TRHDE: variants seen among roughly 807,000 people sequenced by gnomAD.
TRHDE encodes the protein thyrotropin-releasing hormone-degrading ectoenzyme.
A neutral mutation model predicts 125.7 loss-of-function variants in TRHDE; 72 were observed. The ratio of observed to expected loss-of-function variants is 0.57; its 90% CI spans 0.47 to 0.70. The LOEUF is 0.70. Ranked by LOEUF, TRHDE falls within the 30% of genes least tolerant of loss-of-function variation. The pLI is 0.00. For synonymous variants in TRHDE, 509 were observed against 509.1 expected, an observed-to-expected ratio of 1.00 and a Z score of 0.00; for missense variants, 1,110 against 1,327.1, an observed-to-expected ratio of 0.84 and a Z score of 2.54.
intron 6 of TRHDE, among the ~76,000 whole-genome samples, chr12:72,539,641 T>G (rs2135984753): frequency 6.6e-6 from 1 of 151,848 alleles, no homozygotes; most frequent in African/African-American, 2.4e-5. Context: ...AAAAGAAAAT[T>G]TAGGTGGGAA....
intron 2 of TRHDE, among the ~76,000 whole-genome samples, chr12:72,303,894 C>G (rs1868298021): frequency 6.6e-6 from 1 of 152,050 alleles, no homozygotes; most frequent in East Asian, 1.9e-4. Context: ...ATTAGCAGTC[C>G]TTGCCACAGA....
intron 12 of TRHDE, among the ~76,000 whole-genome samples, chr12:72,589,062 G>A (rs1420264128): frequency 2.6e-5 from 4 of 152,070 alleles, no homozygotes; most frequent in Admixed American, 6.5e-5. Flanking sequence ...GGGATCATGC[G>A]AACTACAAGG....
chr12:72,271,487 T>C (rs1355955185), upstream of TRHDE, among the ~76,000 whole-genome samples: 1 of 152,068 alleles, frequency 6.6e-6, no homozygotes, highest in Admixed American at 6.6e-5. Context: ...AGATTTACAA[T>C]GTACTTCTTG....
chr12:72,476,734 A>T (rs1214152700), intron 5 of TRHDE, among the ~76,000 whole-genome samples: 2 of 152,172 alleles, frequency 1.3e-5, no homozygotes, highest in East Asian at 3.9e-4. Flanking sequence ...TACTATGGCA[A>T]TCTACCTTCC....
intron 2 of TRHDE, among the ~76,000 whole-genome samples, chr12:72,340,798 T>A (rs1301633047): frequency 6.6e-6 from 1 of 152,150 alleles, no homozygotes; most frequent in Non-Finnish European, 1.5e-5. Flanking sequence ...CAGAACATGG[T>A]CACACGGTGT....
intron 2 of TRHDE, among the ~76,000 whole-genome samples, chr12:72,115,549 T>C (rs780745496): frequency 6.6e-6 from 1 of 152,156 alleles, no homozygotes; most frequent in Non-Finnish European, 1.5e-5. Flanking sequence ...ATTTCCTTTC[T>C]TTTGAGCATA....
chr12:72,644,458 C>T (rs1475008007), intron 15 of TRHDE, among the ~76,000 whole-genome samples: 1 of 151,996 alleles, frequency 6.6e-6, no homozygotes, highest in African/African-American at 2.4e-5. Context: ...TTTTTTTCCC[C>T]TTGGTCAGCA....
chr12:72,127,148 C>A (rs868343205), intron 2 of TRHDE, among the ~76,000 whole-genome samples: 8 of 152,102 alleles, frequency 5.3e-5, no homozygotes, highest in Middle Eastern at 3.2e-3. Context: ...CAATGAGATA[C>A]TTACACCAGT....
intron 3 of TRHDE, among the ~76,000 whole-genome samples, chr12:72,417,576 G>A (rs1326472229): frequency 6.6e-6 from 1 of 151,910 alleles, no homozygotes; most frequent in African/African-American, 2.4e-5. Flanking sequence ...GGGGAAAATT[G>A]TACTGGAAGG....
chr12:72,370,080 T>C (rs1871508787), intron 2 of TRHDE, among the ~76,000 whole-genome samples: 1 of 152,190 alleles, frequency 6.6e-6, no homozygotes, highest in Non-Finnish European at 1.5e-5. Flanking sequence ...CAAAATATTT[T>C]GTACTTTTCT....
At chr12:72,499,019 G>A (rs894893668) in intron 5 of TRHDE, among the ~76,000 whole-genome samples, 2 of 151,702 alleles carry the variant, frequency 1.3e-5, no homozygotes, top group African/African-American at 4.8e-5. Flanking sequence ...AAGGGGACAG[G>A]AAGGGAGGGA....
chr12:72,467,449 G>A (rs1876435092), intron 3 of TRHDE, among the ~76,000 whole-genome samples: 3 of 151,914 alleles, frequency 2.0e-5, no homozygotes. Context: ...TAGCTGTTAT[G>A]CACTTATGCT....
At chr12:72,409,783 A>G (rs919481806) in intron 3 of TRHDE, among the ~76,000 whole-genome samples, 6 of 152,160 alleles carry the variant, frequency 3.9e-5, no homozygotes, top group African/African-American at 1.4e-4. Context: ...TTATAGACAA[A>G]TATAAATAAT....
chr12:72,094,613 C>T (rs1180585098), intron 1 of TRHDE, among the ~76,000 whole-genome samples: 1 of 152,214 alleles, frequency 6.6e-6, no homozygotes, highest in African/African-American at 2.4e-5. Context: ...AGCTTAAGGA[C>T]AGGACCACTT....
intron 2 of TRHDE, among the ~76,000 whole-genome samples, chr12:72,110,809 G>A (rs1875298390): frequency 6.6e-6 from 1 of 152,114 alleles, no homozygotes; most frequent in African/African-American, 2.4e-5. Context: ...AACTCTAGCA[G>A]AAACTGTTGT....
intron 1 of TRHDE, among the ~76,000 whole-genome samples, chr12:72,103,151 A>G (rs1231861488): frequency 3.3e-5 from 5 of 152,218 alleles, no homozygotes; most frequent in African/African-American, 1.2e-4. Context: ...AATTTGAACA[A>G]TTAGGTCTCA....
At chr12:72,323,327 A>G (rs1869185448) in intron 2 of TRHDE, among the ~76,000 whole-genome samples, 1 of 152,208 alleles carries the variant, frequency 6.6e-6, no homozygotes, top group Non-Finnish European at 1.5e-5. Flanking sequence ...ATAATTTTCC[A>G]GATTAACTAC....
At chr12:72,531,633 T>C (rs893799176) in intron 6 of TRHDE, among the ~76,000 whole-genome samples, 1 of 152,076 alleles carries the variant, frequency 6.6e-6, no homozygotes. Context: ...TTGGGTATTT[T>C]TTGGTGATAT....
chr12:72,296,344 TG>T (rs1395449149), intron 2 of TRHDE, among the ~76,000 whole-genome samples: 1 of 152,194 alleles, frequency 6.6e-6, no homozygotes. Flanking sequence ...CGCAGGAAGA[TG>T]TAAGTGAAAA....
Sources: allele counts gnomAD v4.1 joint callset (sites outside exome capture counted in the v4.1 genomes callset), GRCh38; gene constraint gnomAD v4.1.1; transcripts MANE v1.5; gene names NCBI Gene and HGNC (gene_info 2026-07-23, HGNC 2026-07-21).